DNAH14: variants seen among roughly 807,000 people sequenced by gnomAD.
DNAH14 encodes the protein axonemal beta dynein heavy chain 14.
A neutral mutation model predicts 520.9 loss-of-function variants in DNAH14; 478 were observed. The ratio of observed to expected loss-of-function variants is 0.92; its 90% CI spans 0.85 to 0.99. The LOEUF (loss-of-function observed/expected upper bound fraction) is 0.99. Ranked by LOEUF, DNAH14 falls within the 50% of genes least tolerant of loss-of-function variation. The pLI, the probability that DNAH14 is intolerant of heterozygous loss-of-function variation, is 0.00. For synonymous variants in DNAH14, 1,581 were observed against 1,757.2 expected, an observed-to-expected ratio of 0.90 and a Z score of 2.51; for missense variants, 4,831 against 5,234.5, an observed-to-expected ratio of 0.92 and a Z score of 2.38.
intron 8 of DNAH14, among the ~76,000 whole-genome samples, chr1:224,981,968 T>C (rs1375676617): frequency 6.6e-6 from 1 of 152,120 alleles, no homozygotes; most frequent in East Asian, 1.9e-4. Flanking sequence ...AGGCAGCCGG[T>C]TTTTACCTTA....
intron 54 of DNAH14, among the ~76,000 whole-genome samples, chr1:225,284,658 C>A (rs542803045): frequency 6.6e-6 from 1 of 152,100 alleles, no homozygotes; most frequent in African/African-American, 2.4e-5. Flanking sequence ...ATCCTAATAC[C>A]AAAACTAGAC....
chr1:225,158,296 ATAG>A (rs2149132176), intron 34 of DNAH14, among the ~76,000 whole-genome samples: 1 of 152,280 alleles, frequency 6.6e-6, no homozygotes, highest in African/African-American at 2.4e-5. Context: ...TTTGGCTTAA[ATAG>A]TAGAGGGAAC....
At chr1:224,944,208 G>C (rs1442451300) in intron 1 of DNAH14, among the ~76,000 whole-genome samples, 2 of 152,212 alleles carry the variant, frequency 1.3e-5, no homozygotes, top group Non-Finnish European at 2.9e-5. Context: ...ATTTAGGATA[G>C]TTAGCTCTTC....
intron 62 of DNAH14, 139 bp downstream of exon 62, chr1:225,322,962 G>A: frequency 1.0e-6 from 1 of 957,348 alleles, no homozygotes. Context: ...CCAGGCAAGA[G>A]AGGAGTTGCC....
chr1:225,163,354 T>G (rs1345630133), intron 35 of DNAH14, among the ~76,000 whole-genome samples: 4 of 152,174 alleles, frequency 2.6e-5, no homozygotes, highest in African/African-American at 9.7e-5. Flanking sequence ...TTTATTTCTT[T>G]CTCTTGTCTG....
Position 225,050,249 on chromosome 1 carries a change from T to C in DNAH14, c.1952T>C (p.Ile651Thr), listed in dbSNP as rs769067595. The C allele has an allele frequency of 1.3e-6, 2 of 1,549,334 alleles. No individual in the cohort carries two copies. Among genetic ancestry groups the C allele is most frequent in the Non-Finnish European group, 1.7e-6 (2 of 1,146,214 alleles). The part of the protein sequence containing the change: ...TPLCQDPQLS[I>T]FIDLVSIMDL... Reference sequence around the variant, plus strand: ...CTTTGCCAAGATCCCCAGCTGTCTATCTTCATTGATTTGGTTTCAATAATG... The same window carrying C: ...CTTTGCCAAGATCCCCAGCTGTCTACCTTCATTGATTTGGTTTCAATAATG... The change falls in exon 16 of 86, where the codon ATC (isoleucine) becomes ACC (threonine). Residue 651 changes from isoleucine (I) to threonine (T), a missense_variant. Transcript: ENST00000682510.
chr1:224,985,348 G>C (rs985260774), intron 8 of DNAH14, among the ~76,000 whole-genome samples: 1 of 152,150 alleles, frequency 6.6e-6, no homozygotes, highest in African/African-American at 2.4e-5. Flanking sequence ...ATTATTCTAA[G>C]TGAAGTAACT....
chr1:224,950,144 A>C (rs1011341009), intron 1 of DNAH14, among the ~76,000 whole-genome samples: 6 of 152,036 alleles, frequency 3.9e-5, no homozygotes, highest in African/African-American at 1.4e-4. Flanking sequence ...TTTATTTACT[A>C]TCTCAATATA....
intron 60 of DNAH14, among the ~76,000 whole-genome samples, chr1:225,313,864 GA>G (rs1434766124): frequency 6.6e-6 from 1 of 152,108 alleles, no homozygotes; most frequent in African/African-American, 2.4e-5. Flanking sequence ...CCAATTATGT[GA>G]TCGATTTTAG....
At position 225,335,349 on chromosome 1, in the gene DNAH14, A is replaced by G. The variant is rs925777472; in HGVS notation, c.10080+1843A>G. 7.0e-4 allele frequency among the ~76,000 whole-genome samples: 42 copies of G among 59,940 alleles called. 8 individuals carry two copies. The highest frequency in any genetic ancestry group is 1.2e-3 in the African/African-American group (14 of 12,024). 39.3% of individuals were successfully genotyped at this position (59,940 alleles called of 152,430 possible). ...TATACACGTGTGTACATGTGTGTGTATATGCATATACACGTGTACATGTGT... is the reference window on the plus strand; with the variant it reads ...TATACACGTGTGTACATGTGTGTGTGTATGCATATACACGTGTACATGTGT... On this transcript the variant is annotated intron_variant, in intron 66 of 85. Coordinates refer to ENST00000682510, the MANE Select transcript of DNAH14 (RefSeq NM_001367479.1).
chr1:225,028,435 CT>C (rs2148077078), intron 11 of DNAH14, among the ~76,000 whole-genome samples: 1 of 151,946 alleles, frequency 6.6e-6, no homozygotes, highest in South Asian at 2.1e-4. Flanking sequence ...ATAGTATTCA[CT>C]TATAATTGTT....
chr1:225,280,266 A>G (rs926886157), intron 54 of DNAH14, among the ~76,000 whole-genome samples: 3 of 152,210 alleles, frequency 2.0e-5, no homozygotes, highest in African/African-American at 7.2e-5. Flanking sequence ...AAAAGATTTC[A>G]TAGAAATAAT....
chr1:225,275,965 T>A lies in DNAH14; in HGVS notation c.8062T>A (p.Phe2688Ile). 1 of 402,236 alleles carries A rather than the reference T, an allele frequency of 2.5e-6. No homozygotes were observed. The highest frequency in any genetic ancestry group is 5.0e-6 in the Non-Finnish European group (1 of 201,224). 24.9% of individuals were successfully genotyped at this position (402,236 alleles called of 1,614,324 possible). A position where few individuals can be genotyped will look rare whatever the true frequency, so the allele number is the denominator to read the frequency against. ...GAATCACTCAACTGTATTTTTGGAC[T>A]TCTTGGATATAAACAAGACTCATAG... ...LMNHSTVFLDFLDINKTHRKK... is the reference protein window; with the variant it reads ...LMNHSTVFLDILDINKTHRKK... The change falls in exon 53 of 86, where the codon TTC (phenylalanine) becomes ATC (isoleucine). Residue 2688 changes from phenylalanine to isoleucine, a missense_variant. Physicochemically the swap from Phe to Ile is conservative, Grantham distance 21. Transcript: ENST00000682510.
At chr1:225,020,679 A>G (rs114286545) in intron 10 of DNAH14, among the ~76,000 whole-genome samples, 188 of 152,190 alleles carry the variant, frequency 1.2e-3, no homozygotes, top group African/African-American at 4.0e-3. Flanking sequence ...ATCAGTAATA[A>G]AACACCTAAA....
intron 41 of DNAH14, among the ~76,000 whole-genome samples, chr1:225,229,881 A>G (rs1023218983): frequency 2.0e-5 from 3 of 152,140 alleles, no homozygotes; most frequent in Non-Finnish European, 4.4e-5. Flanking sequence ...AAACCTGCAC[A>G]TTCTGCACAT....
At position 225,259,129 on chromosome 1, in the gene DNAH14, G is replaced by A; in HGVS notation, c.7033G>A (p.Gly2345Ser). ...SCPVLLTGES[G>S]VGKTAAINQM... ...TGTATTTTTTCCCTTAGGAGAATCT[G>A]GTGTTGGGAAAACTGCTGCCATTAA... Residue 2345 changes from glycine to serine, a missense_variant, in exon 46 of 86, where the codon GGT (glycine) becomes AGT (serine). Transcript: ENST00000682510. The A allele has an allele frequency of 6.5e-7, 1 of 1,542,840 alleles. No homozygotes were observed. Among genetic ancestry groups the A allele is most frequent in the East Asian group, 2.5e-5 (1 of 40,464 alleles).
intron 23 of DNAH14, among the ~76,000 whole-genome samples, chr1:225,115,500 C>A (rs1373516532): frequency 6.6e-6 from 1 of 152,136 alleles, no homozygotes; most frequent in Non-Finnish European, 1.5e-5. Context: ...GATTTTTATT[C>A]AGGCATTAAT....
At chr1:224,979,978 G>A (rs2062145761) in intron 8 of DNAH14, among the ~76,000 whole-genome samples, 1 of 152,192 alleles carries the variant, frequency 6.6e-6, no homozygotes, top group Non-Finnish European at 1.5e-5. Context: ...GGCCCTGAAT[G>A]ACCACCAGTG....
At chr1:225,235,362 GAACCA>G (rs2091499066) in intron 42 of DNAH14, among the ~76,000 whole-genome samples, 2 of 152,074 alleles carry the variant, frequency 1.3e-5, no homozygotes, top group Admixed American at 6.5e-5. Context: ...TGCATATTTT[GAACCA>G]ACCTTACATC....
Sources: allele counts gnomAD v4.1 joint callset (sites outside exome capture counted in the v4.1 genomes callset), GRCh38; gene constraint gnomAD v4.1.1; transcripts MANE v1.5; gene names NCBI Gene and HGNC (gene_info 2026-07-23, HGNC 2026-07-21).